The following MYH7B variants were observed in gnomAD, a reference collection of about 807,000 sequenced individuals.
The protein encoded by MYH7B is myosin heavy chain 7B, also known as myosin-7B.
A neutral mutation model predicts 234.5 loss-of-function variants in MYH7B; 205 were observed. That is an observed-to-expected ratio of 0.87 (90% CI 0.78 to 0.98). MYH7B has a LOEUF of 0.98. MYH7B is among the 50% of genes least tolerant of loss of function. The pLI is 0.00. For missense variants in MYH7B, 2,652 were observed against 2,633.4 expected, an observed-to-expected ratio of 1.01 and a Z score of -0.15; for synonymous variants, 1,193 against 1,105.0, an observed-to-expected ratio of 1.08 and a Z score of -1.58.
chr20:34,972,737 C>T lies in MYH7B; in HGVS notation c.-221-2663C>T. 1.3e-5 allele frequency among the ~76,000 whole-genome samples: 2 copies of T among 152,084 alleles called. 1 individual carries two copies. Among genetic ancestry groups the T allele is most frequent in the Non-Finnish European group, 2.9e-5 (2 of 68,030 alleles). On this transcript the variant is annotated intron_variant, in intron 2 of 44. Transcript: ENST00000262873. ...CTTGAACTCCTGGGATCAAGCAATC[C>T]TCTCGCCTCTCAGCCTCCTGAGTAG...
At chr20:34,997,495 G>C in exon 32 of MYH7B, 1 of 1,566,566 alleles carries the variant, frequency 6.4e-7, no homozygotes. Context: ...GCACTGCGGC[G>C]CAAGCAGGCG....
Position 34,990,911 on chromosome 20 carries a change from C to A in MYH7B, c.2065+86C>A, listed in dbSNP as rs993122414. On this transcript the variant is annotated intron_variant, in intron 23 of 44. Coordinates refer to ENST00000262873, the Ensembl canonical transcript of MYH7B. ...GAGGCCGGGAGGCTGAGTACATCTT[C>A]CCCCTCACCTCGCAGGGTCTCCACT... 5.1e-6 allele frequency: 8 copies of A among 1,565,858 alleles called. No homozygotes were observed. In the Admixed American group the frequency reaches 8.4e-5, roughly 16 times the overall value.
chr20:34,997,377 G>A lies in MYH7B; in HGVS notation c.3484G>A (p.Gly1162Ser), dbSNP rs1180176367. The A allele has an allele frequency of 3.0e-5, 46 of 1,522,740 alleles. No homozygotes were observed. The highest frequency in any genetic ancestry group is 2.0e-4 in the East Asian group (8 of 40,520). The allele number at this position is 1,522,740 out of a possible 1,614,324, so 94.3% of individuals were successfully genotyped here. A position where few individuals can be genotyped will look rare whatever the true frequency, so the allele number is the denominator to read the frequency against. Reference sequence around the variant, plus strand: ...GAGCGAGCGGCTGGAGGAGGCAGGCGGCGCATCCGCGGGGCAGCGCGAGGG... The same window carrying A: ...GAGCGAGCGGCTGGAGGAGGCAGGCAGCGCATCCGCGGGGCAGCGCGAGGG... Residue 1162 changes from glycine (G) to serine (S), a missense_variant, in exon 32 of 45, where the codon GGC becomes AGC. Physicochemically the swap from Gly to Ser is moderately conservative, Grantham distance 56 (BLOSUM62 0). This residue lies in a region of MYH7B where 2,279 missense variants were observed against 2,211.4 expected (regional missense o/e 1.03). Transcript: ENST00000262873.
chr20:34,985,197 T>C, intron 13 of MYH7B, 68 bp downstream of exon 13: 1 of 1,482,078 alleles, frequency 6.7e-7, no homozygotes, highest in Non-Finnish European at 9.4e-7. Context: ...ACTCGGCCTC[T>C]GTCATCACGA....
At chr20:34,971,237 G>A (rs73272734) in intron 2 of MYH7B, among the ~76,000 whole-genome samples, 6,684 of 152,248 alleles carry the variant, frequency 0.044, 490 homozygotes, top group African/African-American at 0.15. Context: ...TCCAATGAGA[G>A]AGCTGGTTGG....
rs199681046 is a variant in MYH7B, at chr20:34,989,727, G to A, written c.1588-13G>A. 1.4e-4 allele frequency: 219 copies of A among 1,612,160 alleles called. No homozygotes were observed. The highest frequency in any genetic ancestry group is 1.7e-4 in the Middle Eastern group (1 of 6,022). Reference sequence around the variant, plus strand: ...GGCTTGATGGTGGCTTTTCAAGCTCGTTCTGTTCCCAGCCACTGGGCATCC... The same window carrying A: ...GGCTTGATGGTGGCTTTTCAAGCTCATTCTGTTCCCAGCCACTGGGCATCC... On this transcript the variant is annotated splice_polypyrimidine_tract_variant and intron_variant, in intron 19 of 44. Transcript: ENST00000262873.
chr20:34,998,471 C>G, intron 33 of MYH7B, 40 bp from the exon 34 acceptor site: 1 of 1,612,754 alleles, frequency 6.2e-7, no homozygotes, highest in Non-Finnish European at 8.5e-7. Context: ...TGGTGCAGCC[C>G]TCACCAGCCT....
At position 34,988,272 on chromosome 20, in the gene MYH7B, G is replaced by A. The variant is rs200235758; in HGVS notation, c.1587+10G>A. ...CGACCTCATCGAGAAGGTGGGTGCC[G>A]CGGCAAGGTCACTTTGAGGAAGGGA... On this transcript the variant is annotated intron_variant, in intron 19 of 44. Coordinates refer to ENST00000262873, the Ensembl canonical transcript of MYH7B. 3.1e-5 allele frequency: 50 copies of A among 1,607,122 alleles called. No individual in the cohort carries two copies. The African/African-American group carries it at 3.6e-4, about 12-fold the overall frequency.
rs556647742 is a variant in MYH7B, at chr20:34,985,536, C to G, written c.805+407C>G. Among the ~76,000 whole-genome samples the G allele has an allele frequency of 5.3e-5, 8 of 152,060 alleles. No homozygotes were observed. The East Asian group carries it at 1.6e-3, about 29-fold the overall frequency. ...CTCCTGCCCCAGCTGCACAGCTACA[C>G]GTAGAGTGCCCCATCCTTCCAGGCA... On this transcript the variant is annotated intron_variant, in intron 13 of 44. Transcript: ENST00000262873.
exon 32 of MYH7B, chr20:34,997,466 G>A: frequency 1.3e-6 from 2 of 1,509,042 alleles, no homozygotes. Flanking sequence ...CGGCGCTGCG[G>A]CACGAGGCCA....
intron 24 of MYH7B, among the ~76,000 whole-genome samples, chr20:34,992,424 C>T (rs1379370470): frequency 1.3e-5 from 2 of 149,084 alleles, no homozygotes; most frequent in Non-Finnish European, 3.0e-5. Context: ...CCAAATGTTT[C>T]TTCAGTGATA....
chr20:34,990,648 C>T, intron 22 of MYH7B, 90 bp from the exon 23 acceptor site: 4 of 1,230,298 alleles, frequency 3.3e-6, no homozygotes, highest in Non-Finnish European at 4.8e-6. Context: ...CACTTAGGGC[C>T]CTGCTCCCGT....
intron 14 of MYH7B, among the ~76,000 whole-genome samples, chr20:34,986,487 T>C (rs556895778): frequency 6.6e-6 from 1 of 152,334 alleles, no homozygotes; most frequent in Admixed American, 6.5e-5. Flanking sequence ...GACTGATGAC[T>C]GTCTAGGCCC....
chr20:34,989,210 G>A (rs1311109158), intron 19 of MYH7B, among the ~76,000 whole-genome samples: 1 of 152,192 alleles, frequency 6.6e-6, no homozygotes, highest in African/African-American at 2.4e-5. Flanking sequence ...TTCATGCAGT[G>A]GATGAGTTTC....
At chr20:34,968,675 C>A (rs193113214) in intron 2 of MYH7B, among the ~76,000 whole-genome samples, 2 of 152,236 alleles carry the variant, frequency 1.3e-5, no homozygotes, top group African/African-American at 4.8e-5. Flanking sequence ...ATGGTGACCC[C>A]TGGGGGTACA....
At chr20:34,957,068 C>A (rs1375921750) in intron 1 of MYH7B, among the ~76,000 whole-genome samples, 1 of 152,124 alleles carries the variant, frequency 6.6e-6, no homozygotes, top group Admixed American at 6.6e-5. Context: ...ACAAAACAAA[C>A]GAGCAGCGAA....
In MYH7B at chr20:34,980,208, T is replaced by A. The variant is rs550604542; in HGVS notation, c.343-370T>A. Reference sequence around the variant, plus strand: ...AATATCGCAGGGTTCTTCTGAAGACTGGGGCCTGGGGCCTGGGGATGGGAA... The same window carrying A: ...AATATCGCAGGGTTCTTCTGAAGACAGGGGCCTGGGGCCTGGGGATGGGAA... On this transcript the variant is annotated intron_variant, in intron 7 of 44. Coordinates refer to ENST00000262873, the Ensembl canonical transcript of MYH7B. 3.8e-4 allele frequency: 122 copies of A among 318,080 alleles called. 1 individual carries two copies. The highest frequency in any genetic ancestry group is 2.4e-3 in the African/African-American group (115 of 47,812). 19.7% of individuals were successfully genotyped at this position (318,080 alleles called of 1,614,324 possible).
chr20:34,968,042 T>C (rs1221728811), intron 2 of MYH7B, among the ~76,000 whole-genome samples: 1 of 152,228 alleles, frequency 6.6e-6, no homozygotes, highest in Non-Finnish European at 1.5e-5. Flanking sequence ...CTCAAATTAA[T>C]TGACATCTTC....
intron 9 of MYH7B, chr20:34,982,058 T>C (rs1287391053): frequency 5.9e-6 from 1 of 168,380 alleles, no homozygotes; most frequent in African/African-American, 2.4e-5. Context: ...AAATAAAAAA[T>C]CCTACCTACC....
Sources: allele counts gnomAD v4.1 joint callset (sites outside exome capture counted in the v4.1 genomes callset), GRCh38; gene constraint gnomAD v4.1.1; regional missense constraint gnomAD v4.1.1; transcripts MANE v1.5; gene names NCBI Gene and HGNC (gene_info 2026-07-23, HGNC 2026-07-21).